The following DIAPH3 variants were observed in gnomAD, a reference collection of about 807,000 sequenced individuals.
The protein encoded by DIAPH3 is protein diaphanous homolog 3.
In DIAPH3, 117 loss-of-function variants were observed where a neutral mutation model predicts 144.3. That is an observed-to-expected ratio of 0.81 (90% CI 0.70 to 0.95). DIAPH3 has a LOEUF of 0.95. DIAPH3 is among the 40% of genes least tolerant of loss of function. The pLI, the probability that DIAPH3 is intolerant of heterozygous loss-of-function variation, is 0.00. For synonymous variants in DIAPH3, 519 were observed against 488.9 expected (o/e 1.06, Z -0.81); for missense variants, 1,421 against 1,412.7 (o/e 1.01, Z -0.09).
chr13:60,083,040 G>C (rs1013480994), intron 4 of DIAPH3, among the ~76,000 whole-genome samples: 1 of 151,960 alleles, frequency 6.6e-6, no homozygotes, highest in Admixed American at 6.6e-5. Flanking sequence ...TGTAAACTTT[G>C]AAATATCGTT....
chr13:60,039,450 T>C (rs1228748722), intron 5 of DIAPH3, among the ~76,000 whole-genome samples: 2 of 151,950 alleles, frequency 1.3e-5, no homozygotes, highest in African/African-American at 4.8e-5. Context: ...AGTACAGGCA[T>C]GCATCACCAT....
intron 25 of DIAPH3, among the ~76,000 whole-genome samples, chr13:59,790,519 T>G (rs574101172): frequency 7.9e-5 from 12 of 152,332 alleles, no homozygotes; most frequent in Middle Eastern, 3.4e-3. Context: ...TTGTTTCATT[T>G]TAAAGGAGAA....
chr13:59,723,375 C>T (rs1337926738), intron 27 of DIAPH3, among the ~76,000 whole-genome samples: 2 of 152,156 alleles, frequency 1.3e-5, no homozygotes, highest in Non-Finnish European at 2.9e-5. Flanking sequence ...CATGCTACAT[C>T]TGCTCCTGCT....
intron 27 of DIAPH3, among the ~76,000 whole-genome samples, chr13:59,748,682 A>G (rs935679954): frequency 6.6e-6 from 1 of 152,188 alleles, no homozygotes; most frequent in African/African-American, 2.4e-5. Context: ...TGTGATATAA[A>G]TGTATGCAAC....
At chr13:59,846,721 G>A (rs1341601841) in intron 22 of DIAPH3, among the ~76,000 whole-genome samples, 2 of 151,564 alleles carry the variant, frequency 1.3e-5, no homozygotes, top group Non-Finnish European at 2.9e-5. Flanking sequence ...AAACAATACT[G>A]AAAAAAAATC....
chr13:60,061,227 A>T (rs1000747939), intron 4 of DIAPH3, among the ~76,000 whole-genome samples: 1 of 152,028 alleles, frequency 6.6e-6, no homozygotes, highest in Non-Finnish European at 1.5e-5. Context: ...GTGTTTTAGG[A>T]GCTAGATGTC....
chr13:59,689,786 A>G (rs2033407549), intron 27 of DIAPH3, among the ~76,000 whole-genome samples: 2 of 107,382 alleles, frequency 1.9e-5, no homozygotes, highest in Non-Finnish European at 3.9e-5. Flanking sequence ...AAACTGTATT[A>G]AGCAGTGTGT....
intron 20 of DIAPH3, among the ~76,000 whole-genome samples, chr13:59,902,693 A>G (rs1382988154): frequency 6.6e-6 from 1 of 152,038 alleles, no homozygotes; most frequent in African/African-American, 2.4e-5. Flanking sequence ...TGAGAATCGC[A>G]TGAACTGGGG....
intron 25 of DIAPH3, among the ~76,000 whole-genome samples, chr13:59,796,670 A>G (rs1242820699): frequency 6.6e-6 from 1 of 152,222 alleles, no homozygotes; most frequent in Non-Finnish European, 1.5e-5. Flanking sequence ...CATATCTTTT[A>G]CTGATCCATA....
intron 5 of DIAPH3, among the ~76,000 whole-genome samples, chr13:60,028,845 G>T (rs1412691255): frequency 6.6e-6 from 1 of 152,114 alleles, no homozygotes; most frequent in Non-Finnish European, 1.5e-5. Context: ...CGGATCACAA[G>T]GTCAGGAGAT....
At chr13:59,929,502 C>G (rs1040790530) in intron 17 of DIAPH3, among the ~76,000 whole-genome samples, 1 of 146,044 alleles carries the variant, frequency 6.8e-6, no homozygotes, top group Non-Finnish European at 1.5e-5. Context: ...ATTTATGATA[C>G]GTTTTATTCA....
At chr13:60,091,840 TTTA>T (rs910124699) in intron 4 of DIAPH3, among the ~76,000 whole-genome samples, 3 of 151,784 alleles carry the variant, frequency 2.0e-5, no homozygotes, top group Non-Finnish European at 4.4e-5. Context: ...TAATTTTGTT[TTTA>T]TTATTATTAT....
At chr13:60,118,260 A>G (rs1268076673) in intron 2 of DIAPH3, among the ~76,000 whole-genome samples, 1 of 152,230 alleles carries the variant, frequency 6.6e-6, no homozygotes, top group Admixed American at 6.5e-5. Flanking sequence ...ATTTTTAGCT[A>G]TAGTATATCA....
chr13:59,983,670 C>A, intron 13 of DIAPH3, 99 bp downstream of exon 13: 3 of 785,370 alleles, frequency 3.8e-6, no homozygotes, highest in East Asian at 5.2e-5. Flanking sequence ...AATTAGGGCC[C>A]TCAGGAGTCC....
intron 24 of DIAPH3, among the ~76,000 whole-genome samples, chr13:59,813,397 T>A (rs1442801183): frequency 6.6e-6 from 1 of 151,906 alleles, no homozygotes; most frequent in Non-Finnish European, 1.5e-5. Context: ...CATTCTCTAA[T>A]CTGGCCCAGA....
chr13:59,681,663 T>C (rs2032958728), intron 27 of DIAPH3, among the ~76,000 whole-genome samples: 2 of 152,100 alleles, frequency 1.3e-5, no homozygotes, highest in South Asian at 4.1e-4. Context: ...AATACTAGTA[T>C]GTTAGAGCAC....
At chr13:59,667,997 G>A (rs1385887273) in intron 27 of DIAPH3, among the ~76,000 whole-genome samples, 1 of 152,174 alleles carries the variant, frequency 6.6e-6, no homozygotes, top group Non-Finnish European at 1.5e-5. Flanking sequence ...GATGGATGAG[G>A]ATTTTACACA....
chr13:59,669,252 C>G (rs1593541316), intron 27 of DIAPH3, among the ~76,000 whole-genome samples: 1 of 152,208 alleles, frequency 6.6e-6, no homozygotes, highest in Non-Finnish European at 1.5e-5. Context: ...TCCTCCATTT[C>G]TTTCCTGGTC....
chr13:59,787,018 T>C (rs1226632068), intron 25 of DIAPH3, among the ~76,000 whole-genome samples: 1 of 152,006 alleles, frequency 6.6e-6, no homozygotes, highest in Non-Finnish European at 1.5e-5. Context: ...GGGGGATCAC[T>C]CGAGCCCAGG....
Sources: allele counts gnomAD v4.1 joint callset (sites outside exome capture counted in the v4.1 genomes callset), GRCh38; gene constraint gnomAD v4.1.1; transcripts MANE v1.5; gene names NCBI Gene and HGNC (gene_info 2026-07-23, HGNC 2026-07-21).